ENPP6: variants seen among roughly 807,000 people sequenced by gnomAD.
The protein encoded by ENPP6 is ectonucleotide pyrophosphatase/phosphodiesterase 6.
ENPP6 carries 32 observed loss-of-function variants against 42.0 expected under a neutral mutation model. That is an observed-to-expected ratio of 0.76 (90% CI 0.58 to 1.02). The LOEUF (loss-of-function observed/expected upper bound fraction) is 1.02, where lower values mean the gene tolerates loss of function less well. ENPP6 is among the 50% of genes least tolerant of loss of function. The pLI is 0.00. For synonymous variants in ENPP6, 213 were observed against 216.0 expected, an observed-to-expected ratio of 0.99 and a Z score of 0.12; for missense variants, 552 against 566.8, an observed-to-expected ratio of 0.97 and a Z score of 0.27.
chr4:184,213,328 G>C (rs1401565751), intron 1 of ENPP6, among the ~76,000 whole-genome samples: 1 of 150,536 alleles, frequency 6.6e-6, no homozygotes, highest in East Asian at 1.9e-4. Flanking sequence ...GAAAATTTTC[G>C]CAACCTACTC....
At chr4:184,172,466 T>G (rs1737485366) in intron 1 of ENPP6, among the ~76,000 whole-genome samples, 1 of 152,054 alleles carries the variant, frequency 6.6e-6, no homozygotes, top group Admixed American at 6.5e-5. Flanking sequence ...TGAGGTGACT[T>G]TGGCAGAAAA....
chr4:184,139,792 A>T (rs1736791566), intron 2 of ENPP6, among the ~76,000 whole-genome samples: 4 of 72,930 alleles, frequency 5.5e-5, no homozygotes, highest in African/African-American at 2.3e-4. Flanking sequence ...AGTCTTTGCT[A>T]TTGTGAATAA....
At chr4:184,212,983 T>C (rs1579670781) in intron 1 of ENPP6, among the ~76,000 whole-genome samples, 1 of 151,812 alleles carries the variant, frequency 6.6e-6, no homozygotes, top group Non-Finnish European at 1.5e-5. Flanking sequence ...AAACAAGCAA[T>C]GGGGAAAGGA....
At chr4:184,155,810 T>A (rs543533843) in intron 1 of ENPP6, among the ~76,000 whole-genome samples, 4 of 152,314 alleles carry the variant, frequency 2.6e-5, no homozygotes, top group Admixed American at 2.6e-4. Flanking sequence ...TACTTGTATA[T>A]CTCAGAAACC....
chr4:184,151,025 T>C (rs768588185), intron 2 of ENPP6, among the ~76,000 whole-genome samples: 3 of 152,216 alleles, frequency 2.0e-5, no homozygotes, highest in Admixed American at 1.3e-4. Context: ...CTCAGTGCTA[T>C]ATAAATTTGT....
chr4:184,103,421 T>G lies in ENPP6; in HGVS notation c.994-6053A>C, dbSNP rs915175761. Among the ~76,000 whole-genome samples, 3 of 152,212 alleles carry G rather than the reference T, an allele frequency of 2.0e-5. No homozygotes were observed. The South Asian group carries it at 6.2e-4, about 32-fold the overall frequency. On this transcript the variant is annotated intron_variant, in intron 6 of 7. Coordinates refer to ENST00000296741, the MANE Select transcript of ENPP6 (RefSeq NM_153343.4). ...TATCTAAGGTGTATTAGAGGCCTAA[T>G]AAAAATCTACTTTTTTCTTCTAGGA...
intron 1 of ENPP6, among the ~76,000 whole-genome samples, chr4:184,185,385 A>C (rs1732616445): frequency 6.6e-6 from 1 of 152,168 alleles, no homozygotes; most frequent in Non-Finnish European, 1.5e-5. Context: ...CAACCAAATG[A>C]GGGACAACGC....
chr4:184,183,029 G>A (rs1481021008), intron 1 of ENPP6, among the ~76,000 whole-genome samples: 3 of 152,238 alleles, frequency 2.0e-5, no homozygotes, highest in Admixed American at 6.5e-5. Flanking sequence ...AAATAAAATA[G>A]AATCTCATCT....
chr4:184,132,319 G>A (rs4425422), intron 2 of ENPP6, among the ~76,000 whole-genome samples: 98,826 of 151,690 alleles, frequency 0.65, 32,459 homozygotes, highest in South Asian at 0.68. Context: ...CCAAGGCTGA[G>A]TGTCTTTACA....
rs562595121 is a variant in ENPP6 at position 184,197,891 on chromosome 4, A to G, written c.241+19688T>C. On this transcript the variant is annotated intron_variant, in intron 1 of 7. Transcript: ENST00000296741. ...CAGACTGGGAGTAACTGGAACCTGG[A>G]ATTAGATCCTCCCACAGAGACCAGT... Among the ~76,000 whole-genome samples the G allele has an allele frequency of 3.3e-5, 5 of 152,300 alleles. No individual in the cohort carries two copies. The South Asian group carries it at 1.0e-3, about 32-fold the overall frequency.
At chr4:184,207,011 C>T (rs1031400454) in intron 1 of ENPP6, among the ~76,000 whole-genome samples, 3 of 152,214 alleles carry the variant, frequency 2.0e-5, no homozygotes, top group Admixed American at 2.0e-4. Context: ...CTCGCCTAGG[C>T]GCTGGCCAGT....
intron 6 of ENPP6, among the ~76,000 whole-genome samples, chr4:184,109,226 A>G (rs1432047585): frequency 7.1e-6 from 1 of 140,048 alleles, no homozygotes; most frequent in East Asian, 2.1e-4. Context: ...CAAAACAACA[A>G]CAACAACAAA....
chr4:184,128,424 G>A (rs4403093), intron 2 of ENPP6, among the ~76,000 whole-genome samples: 8,759 of 151,984 alleles, frequency 0.058, 353 homozygotes, highest in Non-Finnish European at 0.091. Flanking sequence ...CAAGTGATCT[G>A]CCTGCCTCAG....
At chr4:184,092,628 T>C (rs1475288740) in intron 7 of ENPP6, among the ~76,000 whole-genome samples, 1 of 152,196 alleles carries the variant, frequency 6.6e-6, no homozygotes, top group Non-Finnish European at 1.5e-5. Context: ...GAATGTAAGA[T>C]TTTAGTAATA....
At chr4:184,122,932 C>T (rs945442184) in intron 3 of ENPP6, among the ~76,000 whole-genome samples, 7 of 152,214 alleles carry the variant, frequency 4.6e-5, no homozygotes, top group African/African-American at 1.4e-4. Context: ...TTCACTCGCA[C>T]AAAACTAGAC....
chr4:184,172,179 G>A (rs1437729461), intron 1 of ENPP6, among the ~76,000 whole-genome samples: 1 of 152,162 alleles, frequency 6.6e-6, no homozygotes, highest in Non-Finnish European at 1.5e-5. Context: ...AAAAGGTAGA[G>A]CCCAGTGATG....
intron 1 of ENPP6, among the ~76,000 whole-genome samples, chr4:184,215,140 G>T (rs1025217335): frequency 7.9e-5 from 12 of 152,080 alleles, no homozygotes; most frequent in Non-Finnish European, 1.6e-4. Flanking sequence ...CCAGCTCAAG[G>T]GCCAGCATTC....
At chr4:184,119,455 A>G (rs1370029745) in intron 3 of ENPP6, among the ~76,000 whole-genome samples, 1 of 152,056 alleles carries the variant, frequency 6.6e-6, no homozygotes, top group East Asian at 1.9e-4. Context: ...CCTCATACCC[A>G]GATGTGCTGA....
chr4:184,158,923 A>T (rs1327878809), intron 1 of ENPP6, among the ~76,000 whole-genome samples: 1 of 152,230 alleles, frequency 6.6e-6, no homozygotes, highest in Non-Finnish European at 1.5e-5. Context: ...CAATATTCAC[A>T]TGGTCAATGA....
Sources: gnomAD v4.1 joint callset for allele counts (sites outside exome capture counted in the v4.1 genomes callset) on GRCh38, gnomAD v4.1.1 for gene constraint, MANE v1.5 for transcripts, NCBI Gene and HGNC (gene_info 2026-07-23, HGNC 2026-07-21) for gene names.